The following CPA6 variants were observed in gnomAD, a reference collection of about 807,000 sequenced individuals.
The protein encoded by CPA6 is carboxypeptidase B.
A neutral mutation model predicts 63.3 loss-of-function variants in CPA6; 58 were observed. The observed-to-expected ratio is 0.92, with a 90% CI of 0.74 to 1.14. The LOEUF (loss-of-function observed/expected upper bound fraction) is 1.14, where lower values mean the gene tolerates loss of function less well. Ranked by LOEUF, CPA6 falls within the 50% of genes most tolerant of loss-of-function variation. CPA6 has a pLI of 0.00. For synonymous variants in CPA6, 185 were observed against 179.0 expected, an observed-to-expected ratio of 1.03 and a Z score of -0.27; for missense variants, 565 against 526.6, an observed-to-expected ratio of 1.07 and a Z score of -0.71.
intron 8 of CPA6, among the ~76,000 whole-genome samples, chr8:67,481,231 C>T (rs1444156418): frequency 6.6e-6 from 1 of 152,166 alleles, no homozygotes; most frequent in Non-Finnish European, 1.5e-5. Context: ...AAAATCAGTG[C>T]TTACAGCATA....
At chr8:67,441,009 T>C (rs1296571748) in intron 8 of CPA6, among the ~76,000 whole-genome samples, 1 of 152,216 alleles carries the variant, frequency 6.6e-6, no homozygotes, top group African/African-American at 2.4e-5. Flanking sequence ...AATAAGGTCA[T>C]ATTCCAAGGT....
At chr8:67,434,007 C>T in intron 9 of CPA6, 31 bp downstream of exon 9, 1 of 1,505,640 alleles carries the variant, frequency 6.6e-7, no homozygotes, top group Non-Finnish European at 9.2e-7. Context: ...AGCATGAAGC[C>T]TGATGTACAT....
chr8:67,498,997 T>C (rs116169737), intron 6 of CPA6, among the ~76,000 whole-genome samples: 4,629 of 152,332 alleles, frequency 0.03, 237 homozygotes, highest in African/African-American at 0.1. Flanking sequence ...AACTAGGAAC[T>C]ATCAATTATT....
chr8:67,736,983 C>T (rs918313940), intron 1 of CPA6, among the ~76,000 whole-genome samples: 4 of 152,204 alleles, frequency 2.6e-5, no homozygotes, highest in African/African-American at 7.2e-5. Flanking sequence ...GGCCCTACCT[C>T]GTATTACTAA....
chr8:67,523,468 G>A (rs1381351355), intron 2 of CPA6, among the ~76,000 whole-genome samples: 2 of 152,202 alleles, frequency 1.3e-5, no homozygotes, highest in Admixed American at 6.5e-5. Flanking sequence ...GGCAGAGCTT[G>A]CAGTGAGCTG....
intron 8 of CPA6, among the ~76,000 whole-genome samples, chr8:67,476,845 C>T (rs1416199213): frequency 6.6e-6 from 1 of 152,126 alleles, no homozygotes; most frequent in Non-Finnish European, 1.5e-5. Context: ...GTAGCATCTA[C>T]CAATGAGAAG....
chr8:67,634,860 C>G (rs1815432012), intron 1 of CPA6, among the ~76,000 whole-genome samples: 1 of 151,346 alleles, frequency 6.6e-6, no homozygotes, highest in African/African-American at 2.5e-5. Flanking sequence ...TACTTAGTAG[C>G]TAGTGTCATT....
Position 67,497,407 on chromosome 8 carries a change from C to T in CPA6, c.636+9380G>A, listed in dbSNP as rs140568409. Among the ~76,000 whole-genome samples, 26 of 152,252 alleles carry T rather than the reference C, an allele frequency of 1.7e-4. No homozygotes were observed. In the East Asian group the frequency reaches 5.0e-3, roughly 29 times the overall value. On this transcript the variant is annotated intron_variant, in intron 6 of 10. Coordinates refer to ENST00000297770, the MANE Select transcript of CPA6 (RefSeq NM_020361.5). ...TCATTTAGCATAATGTCTTCAAGGT[C>T]CATCACTGCTGTATCTTAATACCTT...
intron 2 of CPA6, among the ~76,000 whole-genome samples, chr8:67,622,248 A>C (rs1276259391): frequency 2.6e-5 from 4 of 152,232 alleles, no homozygotes; most frequent in Non-Finnish European, 5.9e-5. Context: ...ATGAAAACAC[A>C]ATTTCAGTGG....
chr8:67,436,866 T>C lies in CPA6; in HGVS notation c.839-2626A>G, dbSNP rs1265304538. On this transcript the variant is annotated intron_variant, in intron 8 of 10. Transcript: ENST00000297770. ...CTCTAGAAAATGATAATTCTCTCCA[T>C]AAACTAGTAGAAAATATTTGGTGGT... is the stretch of plus-strand genomic sequence containing the variant. Among the ~76,000 whole-genome samples the C allele has an allele frequency of 2.0e-5, 3 of 152,190 alleles. 1 individual carries two copies. The highest frequency in any genetic ancestry group is 1.5e-5 in the Non-Finnish European group (1 of 68,046).
intron 8 of CPA6, among the ~76,000 whole-genome samples, chr8:67,441,008 A>G (rs1810283200): frequency 6.6e-6 from 1 of 152,222 alleles, no homozygotes; most frequent in Non-Finnish European, 1.5e-5. Flanking sequence ...AAATAAGGTC[A>G]TATTCCAAGG....
At chr8:67,727,206 T>C (rs1470536374) in intron 1 of CPA6, among the ~76,000 whole-genome samples, 3 of 152,198 alleles carry the variant, frequency 2.0e-5, no homozygotes, top group Non-Finnish European at 4.4e-5. Flanking sequence ...CCACTTGTTA[T>C]TTTGGAGCTT....
intron 2 of CPA6, among the ~76,000 whole-genome samples, chr8:67,618,785 A>G (rs533695189): frequency 3.7e-4 from 57 of 152,332 alleles, no homozygotes; most frequent in African/African-American, 1.2e-3. Context: ...CATTTCTATT[A>G]CTTCAGAGTA....
intron 8 of CPA6, among the ~76,000 whole-genome samples, chr8:67,440,838 T>C (rs1305080372): frequency 6.6e-6 from 1 of 152,186 alleles, no homozygotes; most frequent in Non-Finnish European, 1.5e-5. Flanking sequence ...ACAATCACTG[T>C]TGACAAAAAC....
At chr8:67,702,599 A>C (rs1259576946) in intron 1 of CPA6, among the ~76,000 whole-genome samples, 1 of 152,220 alleles carries the variant, frequency 6.6e-6, no homozygotes, top group Non-Finnish European at 1.5e-5. Context: ...AAGTTGGACG[A>C]GTGGGCTCAA....
chr8:67,423,241 T>A (rs1325413953), intron 10 of CPA6, among the ~76,000 whole-genome samples: 1 of 152,156 alleles, frequency 6.6e-6, no homozygotes, highest in Non-Finnish European at 1.5e-5. Flanking sequence ...CGCGCCACCA[T>A]GCCCAGCTAA....
intron 1 of CPA6, among the ~76,000 whole-genome samples, chr8:67,642,109 G>A (rs1276734702): frequency 1.3e-5 from 2 of 152,154 alleles, no homozygotes; most frequent in East Asian, 3.8e-4. Context: ...ATCACCTGAG[G>A]TCAGGAGCTT....
chr8:67,667,500 A>C (rs1170984748), intron 1 of CPA6, among the ~76,000 whole-genome samples: 2 of 152,094 alleles, frequency 1.3e-5, no homozygotes, highest in Admixed American at 6.5e-5. Context: ...TTCCCCGCTA[A>C]AAGTTAGAGA....
Position 67,538,478 on chromosome 8 carries a change from G to A in CPA6, c.193-20431C>T, listed in dbSNP as rs548738809. Among the ~76,000 whole-genome samples the A allele has an allele frequency of 7.0e-5, 10 of 142,516 alleles. No individual in the cohort carries two copies. In the East Asian group the frequency reaches 2.1e-3, roughly 29 times the overall value. 93.5% of individuals were successfully genotyped at this position (142,516 alleles called of 152,430 possible). A position where few individuals can be genotyped will look rare whatever the true frequency, so the allele number is the denominator to read the frequency against. On this transcript the variant is annotated intron_variant, in intron 2 of 10. Transcript: ENST00000297770. ...CTCTTTTGATCTTTATTGGTGTGAA[G>A]TCTGTTTTATCAGAGACTAGGATTG...
Sources: gnomAD v4.1 joint callset for allele counts (sites outside exome capture counted in the v4.1 genomes callset) on GRCh38, gnomAD v4.1.1 for gene constraint, MANE v1.5 for transcripts, NCBI Gene and HGNC (gene_info 2026-07-23, HGNC 2026-07-21) for gene names.